KIAA1328: variants seen among roughly 807,000 people sequenced by gnomAD.
The protein encoded by KIAA1328 is protein hinderin.
KIAA1328 carries 52 observed loss-of-function variants against 68.1 expected under a neutral mutation model. The ratio of observed to expected loss-of-function variants is 0.76; its 90% CI spans 0.61 to 0.96. The LOEUF (loss-of-function observed/expected upper bound fraction) is 0.96. KIAA1328 is among the 40% of genes least tolerant of loss of function. The pLI, the probability that KIAA1328 is intolerant of heterozygous loss-of-function variation, is 0.00. For synonymous variants in KIAA1328, 232 were observed against 239.4 expected, an observed-to-expected ratio of 0.97 and a Z score of 0.28; for missense variants, 641 against 677.6, an observed-to-expected ratio of 0.95 and a Z score of 0.60.
intron 7 of KIAA1328, among the ~76,000 whole-genome samples, chr18:37,138,045 T>C (rs527364023): frequency 6.6e-6 from 1 of 152,218 alleles, no homozygotes; most frequent in African/African-American, 2.4e-5. Flanking sequence ...TAATAACTTA[T>C]TGAACACCTT....
intron 7 of KIAA1328, among the ~76,000 whole-genome samples, chr18:37,141,252 C>T (rs2058758224): frequency 6.6e-6 from 1 of 152,048 alleles, no homozygotes; most frequent in African/African-American, 2.4e-5. Context: ...GATGAGTTTC[C>T]CTCCAAAGAT....
chr18:37,016,585 T>C (rs910295892), intron 6 of KIAA1328, among the ~76,000 whole-genome samples: 1 of 152,158 alleles, frequency 6.6e-6, no homozygotes, highest in Non-Finnish European at 1.5e-5. Context: ...TGAATCCATC[T>C]GGTCTGGGGC....
At chr18:37,081,792 G>T (rs780378891) in intron 7 of KIAA1328, among the ~76,000 whole-genome samples, 3 of 151,846 alleles carry the variant, frequency 2.0e-5, no homozygotes, top group Non-Finnish European at 2.9e-5. Flanking sequence ...CTTTTCCTCC[G>T]ATTTAAATAT....
intron 5 of KIAA1328, among the ~76,000 whole-genome samples, chr18:36,906,474 C>G (rs2049226308): frequency 6.6e-6 from 1 of 152,110 alleles, no homozygotes; most frequent in Non-Finnish European, 1.5e-5. Flanking sequence ...GCTTTTTAAA[C>G]TTAGCAATAT....
rs368030185 is a variant in KIAA1328, at chr18:37,183,140, C to A, written c.1523+10059C>A. Among the ~76,000 whole-genome samples, 55 of 152,188 alleles carry A rather than the reference C, an allele frequency of 3.6e-4. 1 individual carries two copies. The East Asian group carries it at 5.8e-3, about 16-fold the overall frequency. On this transcript the variant is annotated intron_variant, in intron 9 of 9. Coordinates refer to ENST00000280020, the MANE Select transcript of KIAA1328 (RefSeq NM_020776.3). ...GGAGGTTAGGAAGTAAGATTCTTGT[C>A]TAGATGATAGGGTTAAGATATTGTG...
intron 8 of KIAA1328, among the ~76,000 whole-genome samples, chr18:37,169,971 AT>A (rs2154213298): frequency 6.6e-6 from 1 of 152,336 alleles, no homozygotes; most frequent in African/African-American, 2.4e-5. Context: ...AAATATATTT[AT>A]ATTCTGTCAC....
chr18:37,115,836 G>A (rs1035772045), intron 7 of KIAA1328, among the ~76,000 whole-genome samples: 12 of 152,168 alleles, frequency 7.9e-5, no homozygotes, highest in Admixed American at 2.6e-4. Flanking sequence ...CAAAATGAAT[G>A]TGCAAAAATC....
chr18:36,961,693 A>G (rs2051682110), intron 6 of KIAA1328, among the ~76,000 whole-genome samples: 2 of 152,316 alleles, frequency 1.3e-5, no homozygotes, highest in South Asian at 4.1e-4. Context: ...TTTTCAACCC[A>G]GAATTTCATA....
intron 9 of KIAA1328, among the ~76,000 whole-genome samples, chr18:37,218,596 G>T (rs754767297): frequency 6.6e-6 from 1 of 152,288 alleles, no homozygotes; most frequent in South Asian, 2.1e-4. Context: ...TCTTCCACTC[G>T]ATGGAATCAG....
chr18:37,192,794 A>G (rs1183617759), intron 9 of KIAA1328, among the ~76,000 whole-genome samples: 3 of 152,220 alleles, frequency 2.0e-5, no homozygotes, highest in African/African-American at 7.2e-5. Flanking sequence ...TAATTTCACA[A>G]AGTGATTAAG....
intron 5 of KIAA1328, among the ~76,000 whole-genome samples, chr18:36,920,709 G>A (rs1250435351): frequency 6.6e-6 from 1 of 152,224 alleles, no homozygotes; most frequent in Non-Finnish European, 1.5e-5. Flanking sequence ...GCTGATGACA[G>A]TGCTACCTGG....
At chr18:37,146,749 A>G (rs1599423950) in intron 7 of KIAA1328, among the ~76,000 whole-genome samples, 1 of 152,212 alleles carries the variant, frequency 6.6e-6, no homozygotes, top group Non-Finnish European at 1.5e-5. Flanking sequence ...CAGTCTACAT[A>G]GTGTTAACGC....
intron 4 of KIAA1328, among the ~76,000 whole-genome samples, chr18:36,847,047 T>C (rs2047053819): frequency 6.6e-6 from 1 of 151,662 alleles, no homozygotes; most frequent in Non-Finnish European, 1.5e-5. Flanking sequence ...CCTCTGTATC[T>C]GGCTTATTTT....
At chr18:36,922,007 A>T (rs2049945256) in intron 5 of KIAA1328, among the ~76,000 whole-genome samples, 1 of 151,754 alleles carries the variant, frequency 6.6e-6, no homozygotes, top group African/African-American at 2.4e-5. Context: ...GGCTCACTGC[A>T]ACCTCCACCT....
intron 3 of KIAA1328, among the ~76,000 whole-genome samples, chr18:36,839,732 G>A (rs925808431): frequency 6.6e-6 from 1 of 152,144 alleles, no homozygotes; most frequent in Admixed American, 6.5e-5. Context: ...TTTAAAGGTG[G>A]TGCCAGAGCA....
At chr18:36,950,973 G>A (rs1489127790) in intron 5 of KIAA1328, among the ~76,000 whole-genome samples, 1 of 152,234 alleles carries the variant, frequency 6.6e-6, no homozygotes, top group East Asian at 1.9e-4. Context: ...TTTTGCAAGG[G>A]TCACCAATGG....
chr18:36,892,058 A>G (rs968748525), intron 5 of KIAA1328, among the ~76,000 whole-genome samples: 1 of 152,210 alleles, frequency 6.6e-6, no homozygotes, highest in African/African-American at 2.4e-5. Flanking sequence ...GAGCTATCCA[A>G]AGCTTTGTAT....
intron 9 of KIAA1328, among the ~76,000 whole-genome samples, chr18:37,199,943 TA>T (rs1485295617): frequency 6.6e-6 from 1 of 152,208 alleles, no homozygotes; most frequent in Admixed American, 6.5e-5. Context: ...AGAACATTTT[TA>T]AAAAGAATGA....
At chr18:37,029,285 G>A (rs1018948363) in intron 6 of KIAA1328, among the ~76,000 whole-genome samples, 1 of 151,846 alleles carries the variant, frequency 6.6e-6, no homozygotes, top group Admixed American at 6.6e-5. Flanking sequence ...TTTCTTCTGG[G>A]TTTTCCAGTT....
Sources: allele counts gnomAD v4.1 joint callset (sites outside exome capture counted in the v4.1 genomes callset), GRCh38; gene constraint gnomAD v4.1.1; transcripts MANE v1.5; gene names NCBI Gene and HGNC (gene_info 2026-07-23, HGNC 2026-07-21).